The following CC2D2B variants were observed in gnomAD, a reference collection of about 807,000 sequenced individuals.
CC2D2B encodes coiled-coil and C2 domain containing 2B, also known as protein CC2D2B.
CC2D2B carries 128 observed loss-of-function variants against 161.2 expected under a neutral mutation model. The observed-to-expected ratio is 0.79, with a 90% CI of 0.69 to 0.92. The LOEUF (loss-of-function observed/expected upper bound fraction) is 0.92, where lower values mean the gene tolerates loss of function less well. Ranked by LOEUF, CC2D2B falls within the 40% of genes least tolerant of loss-of-function variation. CC2D2B has a pLI of 0.00. For missense variants in CC2D2B, 1,173 were observed against 1,375.1 expected, an observed-to-expected ratio of 0.85 and a Z score of 2.32; for synonymous variants, 391 against 449.8, an observed-to-expected ratio of 0.87 and a Z score of 1.65.
chr10:95,926,943 G>T (rs543978156), intron 5 of CC2D2B, among the ~76,000 whole-genome samples: 1 of 151,522 alleles, frequency 6.6e-6, no homozygotes, highest in South Asian at 2.1e-4. Context: ...CCAGCATTTT[G>T]GTCAAACTCT....
Position 96,033,196 on chromosome 10 carries a change from A to AC in CC2D2B, c.*1192dup, listed in dbSNP as rs1446909576. ...TCACTCCCACAAGCAGAGAGCAGAG[A>AC]CCCCAAATGTATCTGCAGGGAATAC... On this transcript the variant is annotated 3_prime_UTR_variant, in exon 35 of 35. Transcript: ENST00000646931. Among the ~76,000 whole-genome samples the AC allele has an allele frequency of 1.3e-5, 2 of 152,056 alleles. No homozygotes were observed. Among genetic ancestry groups the AC allele is most frequent in the Admixed American group, 6.6e-5 (1 of 15,258 alleles).
At chr10:96,020,831 G>C (rs1441380349) in intron 32 of CC2D2B, 2 of 152,204 alleles carry the variant, frequency 1.3e-5, no homozygotes, top group African/African-American at 4.8e-5. Flanking sequence ...CCAGGAGTTC[G>C]AGACCAGCCT....
chr10:95,992,482 C>T (rs1256588876), intron 21 of CC2D2B, 45 bp from the exon 22 acceptor site: 4 of 1,221,404 alleles, frequency 3.3e-6, no homozygotes, highest in Non-Finnish European at 4.1e-6. Flanking sequence ...TCTTTTAAAA[C>T]CAAGAAAACG....
intron 6 of CC2D2B, among the ~76,000 whole-genome samples, chr10:95,933,209 G>C (rs530380111): frequency 6.6e-6 from 1 of 151,766 alleles, no homozygotes; most frequent in Non-Finnish European, 1.5e-5. Context: ...CGAAGTTCTC[G>C]TGCTGTGTTT....
chr10:95,945,192 C>G (rs1023073120), intron 9 of CC2D2B, among the ~76,000 whole-genome samples: 3 of 152,216 alleles, frequency 2.0e-5, no homozygotes, highest in Non-Finnish European at 4.4e-5. Context: ...CTCAGGTACT[C>G]TGTTATAGTA....
At chr10:95,975,872 C>G (rs1373925530) in intron 17 of CC2D2B, among the ~76,000 whole-genome samples, 1 of 152,126 alleles carries the variant, frequency 6.6e-6, no homozygotes, top group Admixed American at 6.5e-5. Flanking sequence ...TGTTTAATAC[C>G]TAGAACTATT....
At chr10:96,007,853 A>G (rs754176769) in intron 25 of CC2D2B, among the ~76,000 whole-genome samples, 1 of 152,034 alleles carries the variant, frequency 6.6e-6, no homozygotes, top group African/African-American at 2.4e-5. Context: ...GTGAATGCCA[A>G]TCCCTTTTAT....
chr10:95,977,267 C>T (rs1486983709), intron 17 of CC2D2B, among the ~76,000 whole-genome samples: 1 of 152,042 alleles, frequency 6.6e-6, no homozygotes, highest in Non-Finnish European at 1.5e-5. Flanking sequence ...CCCAGCTACC[C>T]AGGAGGCTGA....
intron 24 of CC2D2B, among the ~76,000 whole-genome samples, chr10:96,000,442 C>T (rs2078435154): frequency 6.6e-6 from 1 of 152,092 alleles, no homozygotes; most frequent in African/African-American, 2.4e-5. Flanking sequence ...GGGCTCACTG[C>T]AAGCTCTGCC....
chr10:95,929,508 C>A (rs2098545803), intron 6 of CC2D2B, among the ~76,000 whole-genome samples: 1 of 152,128 alleles, frequency 6.6e-6, no homozygotes, highest in Non-Finnish European at 1.5e-5. Context: ...AGGTTTTCTT[C>A]TAGGGTTTTT....
At chr10:95,970,352 A>G (rs999184700) in intron 15 of CC2D2B, among the ~76,000 whole-genome samples, 2 of 151,046 alleles carry the variant, frequency 1.3e-5, no homozygotes, top group African/African-American at 4.9e-5. Context: ...ATTTCTTACT[A>G]CTCCTCCTTA....
intron 14 of CC2D2B, among the ~76,000 whole-genome samples, chr10:95,967,056 T>A (rs935652476): frequency 6.6e-6 from 1 of 152,098 alleles, no homozygotes; most frequent in Non-Finnish European, 1.5e-5. Context: ...CATTTAGCAG[T>A]GTTGGAAAAT....
At chr10:95,953,248 C>T (rs575237077) in intron 10 of CC2D2B, among the ~76,000 whole-genome samples, 2 of 152,226 alleles carry the variant, frequency 1.3e-5, no homozygotes, top group Admixed American at 6.5e-5. Context: ...AAAGGTCTCA[C>T]TCTGTCCCCC....
chr10:95,972,431 C>T (rs569162916), intron 16 of CC2D2B, among the ~76,000 whole-genome samples: 148 of 152,146 alleles, frequency 9.7e-4, no homozygotes, highest in Non-Finnish European at 1.4e-3. Context: ...AAGCAATTCT[C>T]GTGCCTCCAG....
At chr10:95,932,847 G>A (rs369622409) in intron 6 of CC2D2B, among the ~76,000 whole-genome samples, 4 of 152,028 alleles carry the variant, frequency 2.6e-5, no homozygotes, top group East Asian at 3.9e-4. Flanking sequence ...TGACTCTGGC[G>A]ATTATGTTTC....
intron 25 of CC2D2B, among the ~76,000 whole-genome samples, chr10:96,005,169 G>C (rs1209142922): frequency 6.6e-6 from 1 of 152,192 alleles, no homozygotes; most frequent in Non-Finnish European, 1.5e-5. Context: ...AACGGGTAAA[G>C]CTTAGAAAAC....
chr10:95,981,968 A>G lies in CC2D2B; in HGVS notation c.1944-7A>G. On this transcript the variant is annotated splice_region_variant and splice_polypyrimidine_tract_variant and intron_variant, in intron 17 of 34. Coordinates refer to ENST00000646931, the MANE Select transcript of CC2D2B (RefSeq NM_001349008.3). ...TGCAAGTTCACAAAATATTTTCTCT[A>G]TGTTAGTATGTTAAGGAATGTAGAT... is the stretch of plus-strand genomic sequence containing the variant. 3.3e-6 allele frequency: 4 copies of G among 1,215,654 alleles called. No homozygotes were observed. The highest frequency in any genetic ancestry group is 4.1e-6 in the Non-Finnish European group (4 of 973,244). 75.3% of individuals were successfully genotyped at this position (1,215,654 alleles called of 1,614,324 possible).
In CC2D2B at chr10:96,025,170, T is replaced by TAAAAAAAAAAA. The variant is rs1564683762; in HGVS notation, c.3947+260_3947+261insAAAAAAAAAAA. 6.7e-4 allele frequency among the ~76,000 whole-genome samples: 13 copies of TAAAAAAAAAAA among 19,312 alleles called. No individual in the cohort carries two copies. In the East Asian group the frequency reaches 8.2e-3, roughly 12 times the overall value. The allele number at this position is 19,312 out of a possible 152,430, so 12.7% of individuals were successfully genotyped here. On this transcript the variant is annotated intron_variant, in intron 33 of 34. Coordinates refer to ENST00000646931, the MANE Select transcript of CC2D2B (RefSeq NM_001349008.3). ...CTAAAAAAAAATATATATATATATATATATATATATATATAAAAAAAAATA... is the reference window on the plus strand; with the variant it reads ...CTAAAAAAAAATATATATATATATATAAAAAAAAAAAATATATATATATATAAAAAAAAATA...
At chr10:95,952,098 A>G (rs1042107575) in intron 10 of CC2D2B, among the ~76,000 whole-genome samples, 3 of 152,170 alleles carry the variant, frequency 2.0e-5, no homozygotes, top group African/African-American at 7.2e-5. Context: ...AACATGGATA[A>G]TTTAGTCCCT....
Sources: allele counts gnomAD v4.1 joint callset (sites outside exome capture counted in the v4.1 genomes callset), GRCh38; gene constraint gnomAD v4.1.1; transcripts MANE v1.5; gene names NCBI Gene and HGNC (gene_info 2026-07-23, HGNC 2026-07-21).